The following ZNF736 variants were observed in gnomAD, a reference collection of about 807,000 sequenced individuals.
ZNF736 encodes the protein KRAB-containing zinc-finger repressor protein.
Under a neutral mutation model 11.7 loss-of-function variants are expected in ZNF736, and 6 were observed. That is an observed-to-expected ratio of 0.51 (90% CI 0.28 to 1.01). The LOEUF (loss-of-function observed/expected upper bound fraction) is 1.01. ZNF736 is among the 50% of genes least tolerant of loss of function. The probability of loss-of-function intolerance (pLI) is 0.09; values close to 1 mark genes in which losing one functional copy is unlikely to be tolerated. For synonymous variants in ZNF736, 139 were observed against 164.7 expected, an observed-to-expected ratio of 0.84 and a Z score of 1.19; for missense variants, 444 against 496.0, an observed-to-expected ratio of 0.90 and a Z score of 1.00.
rs1584280876 is a variant in ZNF736 at position 64,355,163 on chromosome 7, A to G, written c.*6016A>G. 2 of 160,550 alleles carry G rather than the reference A, an allele frequency of 1.2e-5. No homozygotes were observed. Among genetic ancestry groups the G allele is most frequent in the East Asian group, 1.9e-4 (1 of 5,196 alleles). The allele number at this position is 160,550 out of a possible 1,614,324, so 9.9% of individuals were successfully genotyped here. A position where few individuals can be genotyped will look rare whatever the true frequency, so the allele number is the denominator to read the frequency against. ...TGTAAAATTTTCAGATTATGTTTCT[A>G]CATTTAAACATCTACTGGGGGAGGC... On this transcript the variant is annotated 3_prime_UTR_variant, in exon 4 of 4. Transcript: ENST00000423484.
In ZNF736 at chr7:64,314,128, G is replaced by A. The variant is rs1169818105; in HGVS notation, c.-23G>A. ...TACTGGGAGATCCATAGGGAGGACG[G>A]CGGAACATCTGGAGGCTGGGAAATG... On this transcript the variant is annotated 5_prime_UTR_variant, in exon 1 of 4. Coordinates refer to ENST00000423484, the MANE Select transcript of ZNF736 (RefSeq NM_001170905.3). 2 of 1,552,030 alleles carry A rather than the reference G, an allele frequency of 1.3e-6. No homozygotes were observed. Among genetic ancestry groups the A allele is most frequent in the Non-Finnish European group, 1.7e-6 (2 of 1,147,234 alleles).
rs147804313 is a variant in ZNF736, at chr7:64,329,804, T to C, written c.4-6455T>C. 4.1e-3 allele frequency among the ~76,000 whole-genome samples: 622 copies of C among 152,202 alleles called. 5 individuals carry two copies. Among genetic ancestry groups the C allele is most frequent in the African/African-American group, 0.013 (551 of 41,540 alleles). On this transcript the variant is annotated intron_variant, in intron 1 of 3. Transcript: ENST00000423484. Reference sequence around the variant, plus strand: ...CACTCAAGACCCAAGTTCTCTTCAGTAGGTGGTGAATCCAGCCAGGCTCAT... The same window carrying C: ...CACTCAAGACCCAAGTTCTCTTCAGCAGGTGGTGAATCCAGCCAGGCTCAT...
chr7:64,340,101 C>G (rs780045097), intron 3 of ZNF736, among the ~76,000 whole-genome samples: 1 of 152,144 alleles, frequency 6.6e-6, no homozygotes, highest in African/African-American at 2.4e-5. Context: ...GTAGGGCCAG[C>G]ACTAGGGCAG....
intron 1 of ZNF736, 120 bp downstream of exon 1, chr7:64,314,273 C>A: frequency 7.7e-7 from 1 of 1,297,738 alleles, no homozygotes; most frequent in Non-Finnish European, 1.1e-6. Flanking sequence ...ATCCCCGAGT[C>A]CCCGCGGGCA....
At position 64,314,065 on chromosome 7, in the gene ZNF736, G is replaced by C; in HGVS notation, c.-86G>C. The C allele has an allele frequency of 6.5e-7, 1 of 1,534,880 alleles. No individual in the cohort carries two copies. Among genetic ancestry groups the C allele is most frequent in the Non-Finnish European group, 8.8e-7 (1 of 1,132,188 alleles). ...TCCTCCGTTCCTGGAGTTCCTCGGT[G>C]ACTCTACTATAGCTTCTGTTATCCT... On this transcript the variant is annotated 5_prime_UTR_variant, in exon 1 of 4. Transcript: ENST00000423484.
chr7:64,325,543 A>T (rs899834441), intron 1 of ZNF736, among the ~76,000 whole-genome samples: 1 of 152,192 alleles, frequency 6.6e-6, no homozygotes, highest in African/African-American at 2.4e-5. Context: ...TGCCTACTGG[A>T]AATCAGATGT....
At chr7:64,320,496 T>A (rs1177987208) in intron 1 of ZNF736, among the ~76,000 whole-genome samples, 1 of 152,186 alleles carries the variant, frequency 6.6e-6, no homozygotes, top group Non-Finnish European at 1.5e-5. Context: ...GAAATAAAAT[T>A]TTGAGGTTTG....
chr7:64,314,432 T>C (rs1788882997), intron 1 of ZNF736, among the ~76,000 whole-genome samples: 1 of 152,124 alleles, frequency 6.6e-6, no homozygotes, highest in South Asian at 2.1e-4. Context: ...GTCTCCCTCC[T>C]CCAGATTGTG....
intron 1 of ZNF736, among the ~76,000 whole-genome samples, chr7:64,324,664 G>A (rs957504186): frequency 4.6e-5 from 7 of 152,098 alleles, no homozygotes; most frequent in Non-Finnish European, 8.8e-5. Context: ...TAAATCTGTG[G>A]CAACAACCTG....
chr7:64,338,624 G>C (rs541380466), intron 3 of ZNF736, among the ~76,000 whole-genome samples: 1 of 151,852 alleles, frequency 6.6e-6, no homozygotes, highest in Admixed American at 6.6e-5. Flanking sequence ...TGTTTCACTC[G>C]GCATAACATC....
chr7:64,346,524 C>T (rs1421733712), intron 3 of ZNF736, among the ~76,000 whole-genome samples: 1 of 151,528 alleles, frequency 6.6e-6, no homozygotes, highest in Non-Finnish European at 1.5e-5. Context: ...TCCCTTCTTG[C>T]CTGAAAGATT....
chr7:64,326,853 G>C (rs2692121), intron 1 of ZNF736, among the ~76,000 whole-genome samples: 40,565 of 151,840 alleles, frequency 0.27, 6,444 homozygotes, highest in South Asian at 0.4. Flanking sequence ...GTATAGTTTC[G>C]AAAGTTTTTT....
chr7:64,327,619 C>T (rs371047382), intron 1 of ZNF736, among the ~76,000 whole-genome samples: 121 of 152,158 alleles, frequency 8.0e-4, no homozygotes, highest in African/African-American at 2.7e-3. Flanking sequence ...CTCTCCTTTT[C>T]GCTCTCCCAT....
intron 3 of ZNF736, among the ~76,000 whole-genome samples, chr7:64,347,846 T>A (rs573512668): frequency 2.2e-4 from 33 of 152,262 alleles, no homozygotes; most frequent in African/African-American, 7.7e-4. Flanking sequence ...ATGAAATACT[T>A]TTATTACACT....
In ZNF736 at chr7:64,352,747, C is replaced by T. The variant is rs1469066783; in HGVS notation, c.*3600C>T. The stretch of plus-strand genomic sequence containing the variant: ...TGTGCTAGGAGATCCTTTCCGCCCC[C>T]CGGTCAGCTTGGGCTCTTCAAAGCC... On this transcript the variant is annotated 3_prime_UTR_variant, in exon 4 of 4. Coordinates refer to ENST00000423484, the MANE Select transcript of ZNF736 (RefSeq NM_001170905.3). 1 of 152,254 alleles carries T rather than the reference C, an allele frequency of 6.6e-6. No homozygotes were observed. Among genetic ancestry groups the T allele is most frequent in the Non-Finnish European group, 1.5e-5 (1 of 68,100 alleles). The allele number at this position is 152,254 out of a possible 1,614,324, so 9.4% of individuals were successfully genotyped here.
At chr7:64,326,883 T>G (rs1361830463) in intron 1 of ZNF736, among the ~76,000 whole-genome samples, 1 of 152,188 alleles carries the variant, frequency 6.6e-6, no homozygotes, top group Admixed American at 6.5e-5. Flanking sequence ...ATTACTAGTT[T>G]TATTCTATTA....
intron 3 of ZNF736, among the ~76,000 whole-genome samples, chr7:64,343,649 ATT>A (rs754350668): frequency 7.1e-4 from 108 of 152,188 alleles, no homozygotes; most frequent in Non-Finnish European, 1.3e-3. Context: ...TAGAATAATT[ATT>A]GTTTGGTAGT....
intron 3 of ZNF736, among the ~76,000 whole-genome samples, chr7:64,338,107 T>G (rs1789285924): frequency 6.6e-6 from 1 of 152,182 alleles, no homozygotes; most frequent in South Asian, 2.1e-4. Context: ...ACGACATCGT[T>G]TTGTGGTTTT....
In ZNF736 at chr7:64,352,391, A is replaced by G. The variant is rs1005695274; in HGVS notation, c.*3244A>G. ...GTTGAAGGTCCTACCCAGTGAGGAA[A>G]ACATGATTGGGGACCCACTTAAGAA... On this transcript the variant is annotated 3_prime_UTR_variant, in exon 4 of 4. Transcript: ENST00000423484. The G allele has an allele frequency of 6.6e-6, 1 of 152,210 alleles. No individual in the cohort carries two copies. Among genetic ancestry groups the G allele is most frequent in the African/African-American group, 2.4e-5 (1 of 41,440 alleles). 9.4% of individuals were successfully genotyped at this position (152,210 alleles called of 1,614,324 possible).
Sources: allele counts gnomAD v4.1 joint callset (sites outside exome capture counted in the v4.1 genomes callset), GRCh38; gene constraint gnomAD v4.1.1; transcripts MANE v1.5; gene names NCBI Gene and HGNC (gene_info 2026-07-23, HGNC 2026-07-21).